Variants in NCAPD2 observed in about 807,000 individuals in gnomAD.
NCAPD2 encodes non-SMC condensin I complex subunit D2, also known as condensin complex subunit 1.
A neutral mutation model predicts 164.5 loss-of-function variants in NCAPD2; 100 were observed. The ratio of observed to expected loss-of-function variants is 0.61; its 90% CI spans 0.52 to 0.72. The LOEUF is 0.72. Ranked by LOEUF, NCAPD2 falls within the 30% of genes least tolerant of loss-of-function variation. The pLI is 0.00. For missense variants in NCAPD2, 1,560 were observed against 1,749.2 expected, an observed-to-expected ratio of 0.89 and a Z score of 1.93; for synonymous variants, 585 against 642.6, an observed-to-expected ratio of 0.91 and a Z score of 1.36.
rs939507635 is a variant in NCAPD2, at chr12:6,511,297, G to A, written c.587+45G>A. 3 of 1,590,580 alleles carry A rather than the reference G, an allele frequency of 1.9e-6. No homozygotes were observed. In the African/African-American group the frequency reaches 4.1e-5, roughly 22 times the overall value. ...ACAGATAATACTGAGCTGTGAGAGT[G>A]AGGCTCTGTTGATAGATATGCCGTT... is the stretch of plus-strand genomic sequence containing the variant. On this transcript the variant is annotated intron_variant, in intron 6 of 31. Transcript: ENST00000315579.
chr12:6,526,613 C>T lies in NCAPD2; in HGVS notation c.2732C>T (p.Pro911Leu), dbSNP rs145781104. Reference protein sequence around the residue: ...LEEKRTSQEDPKESPAMLPTF... With the variant: ...LEEKRTSQEDLKESPAMLPTF... ...GAGAAGAGAACCAGTCAGGAGGACC[C>T]GAGTAAGTGGGCAGGGGTTGACCCA... Residue 911 changes from proline to leucine, a missense_variant and splice_region_variant, in exon 21 of 32, where the codon CCG (proline) becomes CTG (leucine). Coordinates refer to ENST00000315579, the MANE Select transcript of NCAPD2 (RefSeq NM_014865.4). 8.7e-5 allele frequency: 141 copies of T among 1,612,878 alleles called. No individual in the cohort carries two copies. The highest frequency in any genetic ancestry group is 1.1e-4 in the Non-Finnish European group (128 of 1,179,118).
chr12:6,507,691 G>T (rs1565540493), intron 2 of NCAPD2, among the ~76,000 whole-genome samples: 1 of 152,152 alleles, frequency 6.6e-6, no homozygotes, highest in African/African-American at 2.4e-5. Context: ...ATAAGGGAAG[G>T]AATAGTAATA....
Position 6,518,508 on chromosome 12 carries a change from T to TTTTTTTTTTG in NCAPD2, c.1589+558_1589+559insGTTTTTTTTT, listed in dbSNP as rs1565544121. On this transcript the variant is annotated intron_variant, in intron 13 of 31. Transcript: ENST00000315579. ...AGCCCTTACAGCCGTCAACAAGTTT[T>TTTTTTTTTTG]TTTTTTTTTTTTTTTTTTTTTTTTT... Among the ~76,000 whole-genome samples the TTTTTTTTTTG allele has an allele frequency of 1.0e-3, 93 of 91,136 alleles. 2 individuals are homozygous for TTTTTTTTTTG. The highest frequency in any genetic ancestry group is 4.2e-3 in the African/African-American group (83 of 19,912). 59.8% of individuals were successfully genotyped at this position (91,136 alleles called of 152,430 possible).
chr12:6,517,998 T>C, intron 13 of NCAPD2, 39 bp downstream of exon 13: 1 of 1,592,158 alleles, frequency 6.3e-7, no homozygotes, highest in South Asian at 1.1e-5. Context: ...GATCTGTTTA[T>C]GTTTAGAGTT....
chr12:6,514,580 AT>A lies in NCAPD2; in HGVS notation c.834del (p.Ile278MetfsTer2). The A allele has an allele frequency of 6.2e-7, 1 of 1,614,126 alleles. No individual in the cohort carries two copies. The highest frequency in any genetic ancestry group is 8.5e-7 in the Non-Finnish European group (1 of 1,180,026). On this transcript the variant is annotated frameshift_variant, in exon 8 of 32. Coordinates refer to ENST00000315579, the MANE Select transcript of NCAPD2 (RefSeq NM_014865.4). LOFTEE classifies it high-confidence loss of function. ...TGGAATGAAGAGCATAGTGGGAGAGATTGTAAGGTGACTCTTCCTTCTCGAA... is the reference window on the plus strand; with the variant it reads ...TGGAATGAAGAGCATAGTGGGAGAGATGTAAGGTGACTCTTCCTTCTCGAA... ...DYGMKSIVGE[I>X]VREIGQKCPQ...
At chr12:6,526,001 T>C in intron 18 of NCAPD2, 67 bp from the exon 19 acceptor site, 5 of 1,578,634 alleles carry the variant, frequency 3.2e-6, no homozygotes, top group Admixed American at 3.4e-5. Flanking sequence ...CCTACCCCTA[T>C]TGGCCCTTTC....
intron 13 of NCAPD2, among the ~76,000 whole-genome samples, chr12:6,518,891 A>C (rs1946237538): frequency 6.7e-6 from 1 of 148,400 alleles, no homozygotes; most frequent in Admixed American, 6.8e-5. Context: ...AATTGGGCTG[A>C]ATTTTTTTTT....
intron 2 of NCAPD2, among the ~76,000 whole-genome samples, chr12:6,498,130 A>T (rs988816899): frequency 6.6e-6 from 1 of 150,812 alleles, no homozygotes; most frequent in Non-Finnish European, 1.5e-5. Flanking sequence ...GCTGGTCTCA[A>T]ACTCCCGAGC....
At chr12:6,502,446 C>G (rs1159952249) in intron 2 of NCAPD2, among the ~76,000 whole-genome samples, 1 of 152,164 alleles carries the variant, frequency 6.6e-6, no homozygotes, top group African/African-American at 2.4e-5. Context: ...ATGCCCACTT[C>G]AGGTTAGTAG....
rs1377868532 is a variant in NCAPD2, at chr12:6,528,778, G to A, written c.3399G>A (p.Glu1133=). ...TGAAGGTGAAGGGGCAGGTCAGCGAGATGGCGGTGCTGCTCATCGACCCCG... is the reference window on the plus strand; with the variant it reads ...TGAAGGTGAAGGGGCAGGTCAGCGAAATGGCGGTGCTGCTCATCGACCCCG... ...DMVKVKGQVS[E]MAVLLIDPEP... The change falls in exon 26 of 32, where the codon GAG becomes GAA. Residue 1133 remains glutamate (E), a synonymous_variant. Transcript: ENST00000315579. This position sits in a 1 kb window ranked among gnomAD's most constrained non-coding sequence, Gnocchi z 5.1. 1 of 1,614,172 alleles carries A rather than the reference G, an allele frequency of 6.2e-7. No homozygotes were observed. The highest frequency in any genetic ancestry group is 1.6e-4 in the Middle Eastern group (1 of 6,062).
intron 2 of NCAPD2, among the ~76,000 whole-genome samples, chr12:6,504,200 T>TAG (rs1207709979): frequency 3.1e-4 from 7 of 22,438 alleles, no homozygotes; most frequent in East Asian, 3.0e-3. Flanking sequence ...TATATATATA[T>TAG]ATATATATAT....
At chr12:6,497,906 C>A (rs1030416372) in intron 2 of NCAPD2, among the ~76,000 whole-genome samples, 1 of 147,840 alleles carries the variant, frequency 6.8e-6, no homozygotes, top group Admixed American at 6.8e-5. Context: ...CGTGAGCCAC[C>A]GCGCCCAGCC....
intron 14 of NCAPD2, 132 bp from the exon 15 acceptor site, chr12:6,521,666 A>G (rs1378720977): frequency 6.0e-6 from 7 of 1,173,804 alleles, no homozygotes; most frequent in Admixed American, 2.3e-5. Context: ...AGCCTAGGCA[A>G]CAGAGTGAGA....
chr12:6,528,038 C>T lies in NCAPD2; in HGVS notation c.3090C>T (p.Asn1030=), dbSNP rs767673731. 6.2e-7 allele frequency: 1 copy of T among 1,614,248 alleles called. No individual in the cohort carries two copies. Among genetic ancestry groups the T allele is most frequent in the East Asian group, 2.2e-5 (1 of 44,892 alleles). The part of the protein sequence containing the change: ...KVCNNPGLYS[N]PDLSAAASLA... ...GTAACAACCCAGGCCTCTATAGCAA[C>T]CCAGACCTCTCTGCAGCTGCTTCAC... Residue 1030 remains asparagine, a synonymous_variant, in exon 24 of 32, where the codon AAC becomes AAT. Coordinates refer to ENST00000315579, the MANE Select transcript of NCAPD2 (RefSeq NM_014865.4). The surrounding 1 kb of genome is among the most constrained non-coding windows in gnomAD (Gnocchi z 5.1).
At chr12:6,521,726 G>A in intron 14 of NCAPD2, 72 bp from the exon 15 acceptor site, 1 of 1,524,166 alleles carries the variant, frequency 6.6e-7, no homozygotes, top group Non-Finnish European at 8.9e-7. Context: ...AAATATCCAG[G>A]AATGTTGACA....
chr12:6,504,201 A>ATG (rs1430591862), intron 2 of NCAPD2, among the ~76,000 whole-genome samples: 3 of 22,682 alleles, frequency 1.3e-4, no homozygotes, highest in Admixed American at 6.0e-4. Flanking sequence ...ATATATATAT[A>ATG]TATATATATA....
intron 6 of NCAPD2, among the ~76,000 whole-genome samples, chr12:6,512,880 A>C (rs1035256677): frequency 3.9e-5 from 6 of 152,192 alleles, no homozygotes; most frequent in African/African-American, 1.4e-4. Flanking sequence ...ATTTGCTAAC[A>C]GACTGGGTGT....
Position 6,517,824 on chromosome 12 carries a change from A to G in NCAPD2, c.1454A>G (p.Glu485Gly), listed in dbSNP as rs765663001. 5.6e-6 allele frequency: 9 copies of G among 1,614,054 alleles called. No individual in the cohort carries two copies. Among genetic ancestry groups the G allele is most frequent in the Admixed American group, 1.7e-5 (1 of 59,998 alleles). The change falls in exon 13 of 32, where the codon GAG (glutamate) becomes GGG (glycine). Residue 485 changes from glutamate (E) to glycine (G), a missense_variant. Physicochemically the swap from Glu to Gly is moderately conservative, Grantham distance 98. Transcript: ENST00000315579. ...GAGGAGTGGGAAGCCATGCTGCCAG[A>G]GTTGAAGTCTACCCTGCAGCAGCTT... Reference protein sequence around the residue: ...PEEEWEAMLPELKSTLQQLLQ... With the variant: ...PEEEWEAMLPGLKSTLQQLLQ...
At chr12:6,527,325 G>C (rs1049879564) in intron 22 of NCAPD2, among the ~76,000 whole-genome samples, 2 of 152,196 alleles carry the variant, frequency 1.3e-5, no homozygotes, top group African/African-American at 4.8e-5. Flanking sequence ...TCTGAGGCAG[G>C]GTTTGTTAGA....
Sources: allele counts gnomAD v4.1 joint callset (sites outside exome capture counted in the v4.1 genomes callset), GRCh38; gene constraint gnomAD v4.1.1; non-coding constraint Gnocchi (gnomAD v3.1); transcripts MANE v1.5; gene names NCBI Gene and HGNC (gene_info 2026-07-23, HGNC 2026-07-21).